Variants in SNRNP48 observed in about 807,000 individuals in gnomAD.
SNRNP48 encodes small nuclear ribonucleoprotein U11/U12 subunit 48.
In SNRNP48, 43 loss-of-function variants were observed where a neutral mutation model predicts 47.0. The observed-to-expected ratio is 0.92, with a 90% CI of 0.72 to 1.18. The LOEUF is 1.18. Among genes scored for constraint, SNRNP48 ranks in the 50% most tolerant of loss-of-function variants. The pLI is 0.00. For missense variants in SNRNP48, 396 were observed against 422.2 expected, an observed-to-expected ratio of 0.94 and a Z score of 0.54; for synonymous variants, 138 against 144.0, an observed-to-expected ratio of 0.96 and a Z score of 0.30.
At chr6:7,602,501 G>T in intron 5 of SNRNP48, 122 bp from the exon 6 acceptor site, 1 of 724,620 alleles carries the variant, frequency 1.4e-6, no homozygotes, top group Non-Finnish European at 2.0e-6. Flanking sequence ...ACAATTTTTA[G>T]AATGTTTTTA....
chr6:7,599,532 A>G, intron 4 of SNRNP48: 1 of 389,248 alleles, frequency 2.6e-6, no homozygotes, highest in African/African-American at 2.1e-5. Context: ...ATTTAAAAAC[A>G]TGCATTTTGA....
intron 4 of SNRNP48, among the ~76,000 whole-genome samples, chr6:7,597,034 C>T (rs1178681446): frequency 6.6e-6 from 1 of 152,072 alleles, no homozygotes; most frequent in Non-Finnish European, 1.5e-5. Flanking sequence ...AAAGGTTCTC[C>T]GTATTTTTAT....
chr6:7,599,257 G>A (rs1366572898), intron 4 of SNRNP48, among the ~76,000 whole-genome samples: 1 of 152,108 alleles, frequency 6.6e-6, no homozygotes, highest in African/African-American at 2.4e-5. Flanking sequence ...GATCCCCTTT[G>A]ATGACAAAAG....
chr6:7,590,214 G>T lies in SNRNP48; in HGVS notation c.-44G>T. ...ACAGCTCCCAGAGGCCTGCGCGTGCGGTCTGCAGTTCGGCCGCTTCCTCTT... is the reference window on the plus strand; with the variant it reads ...ACAGCTCCCAGAGGCCTGCGCGTGCTGTCTGCAGTTCGGCCGCTTCCTCTT... On this transcript the variant is annotated 5_prime_UTR_variant, in exon 1 of 9. Coordinates refer to ENST00000342415, the MANE Select transcript of SNRNP48 (RefSeq NM_152551.4). The T allele has an allele frequency of 1.6e-6, 2 of 1,271,968 alleles. No individual in the cohort carries two copies. The highest frequency in any genetic ancestry group is 1.0e-6 in the Non-Finnish European group (1 of 1,001,480). The allele number at this position is 1,271,968 out of a possible 1,614,324, so 78.8% of individuals were successfully genotyped here. A position where few individuals can be genotyped will look rare whatever the true frequency, so the allele number is the denominator to read the frequency against.
chr6:7,593,861 A>G lies in SNRNP48; in HGVS notation c.270+14A>G. The G allele has an allele frequency of 6.7e-7, 1 of 1,485,812 alleles. No homozygotes were observed. The highest frequency in any genetic ancestry group is 9.2e-7 in the Non-Finnish European group (1 of 1,091,230). 92.0% of individuals were successfully genotyped at this position (1,485,812 alleles called of 1,614,324 possible). A position where few individuals can be genotyped will look rare whatever the true frequency, so the allele number is the denominator to read the frequency against. On this transcript the variant is annotated intron_variant, in intron 2 of 8. Coordinates refer to ENST00000342415, the MANE Select transcript of SNRNP48 (RefSeq NM_152551.4). ...AAAGAAGAAGAGGTACCATATATTT[A>G]CTATATTATATATACATATATGTCA...
chr6:7,601,897 G>A (rs986567125), intron 5 of SNRNP48, among the ~76,000 whole-genome samples: 8 of 151,806 alleles, frequency 5.3e-5, no homozygotes, highest in Middle Eastern at 3.4e-3. Flanking sequence ...TCTGTCACCC[G>A]GGCTGGAATG....
At position 7,609,638 on chromosome 6, in the gene SNRNP48, G is replaced by T. The variant is rs1760195712; in HGVS notation, c.*765G>T. 1 of 152,164 alleles carries T rather than the reference G, an allele frequency of 6.6e-6. No individual in the cohort carries two copies. Among genetic ancestry groups the T allele is most frequent in the Admixed American group, 6.5e-5 (1 of 15,284 alleles). The allele number at this position is 152,164 out of a possible 1,614,324, so 9.4% of individuals were successfully genotyped here. A position where few individuals can be genotyped will look rare whatever the true frequency, so the allele number is the denominator to read the frequency against. On this transcript the variant is annotated 3_prime_UTR_variant, in exon 9 of 9. Coordinates refer to ENST00000342415, the MANE Select transcript of SNRNP48 (RefSeq NM_152551.4). ...ATGAGAGATTAGGGGTGCAAATCAG[G>T]ATTGGGAGGGTGGTCAGAGGGAACT... is the stretch of plus-strand genomic sequence containing the variant.
chr6:7,596,185 G>A (rs2113715788), intron 4 of SNRNP48, among the ~76,000 whole-genome samples: 1 of 152,052 alleles, frequency 6.6e-6, no homozygotes, highest in Non-Finnish European at 1.5e-5. Context: ...AGAATTGCTT[G>A]AACCCAGGAG....
chr6:7,590,220 C>A lies in SNRNP48; in HGVS notation c.-38C>A. On this transcript the variant is annotated 5_prime_UTR_variant, in exon 1 of 9. Coordinates refer to ENST00000342415, the MANE Select transcript of SNRNP48 (RefSeq NM_152551.4). ...CCCAGAGGCCTGCGCGTGCGGTCTG[C>A]AGTTCGGCCGCTTCCTCTTGGCGGG... 2.3e-6 allele frequency: 3 copies of A among 1,278,538 alleles called. No individual in the cohort carries two copies. Among genetic ancestry groups the A allele is most frequent in the Non-Finnish European group, 3.0e-6 (3 of 1,004,834 alleles). The allele number at this position is 1,278,538 out of a possible 1,614,324, so 79.2% of individuals were successfully genotyped here. A position where few individuals can be genotyped will look rare whatever the true frequency, so the allele number is the denominator to read the frequency against.
intron 4 of SNRNP48, chr6:7,600,770 AT>A (rs1180296285): frequency 6.6e-6 from 1 of 152,086 alleles, no homozygotes; most frequent in African/African-American, 2.4e-5. Context: ...GAGGTGTGGG[AT>A]TTCTGCTACT....
Position 7,590,276 on chromosome 6 carries a change from C to G in SNRNP48, c.19C>G (p.Pro7Ala). ...TGCAGCTATGGAGGGCGAGCCTCCA[C>G]CTGTGGAGGAGCGGCGGCGGCTGCA... is the stretch of plus-strand genomic sequence containing the variant. MEGEPP[P>A]VEERRRLQEE... Residue 7 changes from proline to alanine, a missense_variant, in exon 1 of 9, where the codon CCT becomes GCT. Physicochemically the swap from Pro to Ala is conservative, Grantham distance 27 (BLOSUM62 -1). Coordinates refer to ENST00000342415, the MANE Select transcript of SNRNP48 (RefSeq NM_152551.4). The G allele has an allele frequency of 7.3e-7, 1 of 1,364,230 alleles. No individual in the cohort carries two copies. Among genetic ancestry groups the G allele is most frequent in the African/African-American group, 1.5e-5 (1 of 67,364 alleles). 84.5% of individuals were successfully genotyped at this position (1,364,230 alleles called of 1,614,324 possible).
intron 4 of SNRNP48, 100 bp from the exon 5 acceptor site, chr6:7,601,236 A>C (rs752476907): frequency 1.1e-5 from 10 of 916,834 alleles, no homozygotes; most frequent in Non-Finnish European, 1.6e-5. Flanking sequence ...GTTTGTGTTA[A>C]TATTGCATTA....
chr6:7,600,155 T>G (rs1385944782), intron 4 of SNRNP48: 1 of 992,668 alleles, frequency 1.0e-6, no homozygotes, highest in Non-Finnish European at 1.2e-6. Context: ...TCAAAACCCT[T>G]TGACGAGTAA....
Position 7,607,695 on chromosome 6 carries a change from C to T in SNRNP48, c.972-1130C>T, listed in dbSNP as rs974750383. On this transcript the variant is annotated intron_variant, in intron 8 of 8. Coordinates refer to ENST00000342415, the MANE Select transcript of SNRNP48 (RefSeq NM_152551.4). ...TCTTGAGCTTAATAGTTATTATTATCGCTGCTAGACTGTGAGCTCCATGAA... is the reference window on the plus strand; with the variant it reads ...TCTTGAGCTTAATAGTTATTATTATTGCTGCTAGACTGTGAGCTCCATGAA... Among the ~76,000 whole-genome samples the T allele has an allele frequency of 4.6e-5, 7 of 152,182 alleles. No homozygotes were observed. The East Asian group carries it at 1.2e-3, about 25-fold the overall frequency.
intron 8 of SNRNP48, among the ~76,000 whole-genome samples, chr6:7,608,329 G>C (rs1267052093): frequency 6.6e-6 from 1 of 152,286 alleles, no homozygotes; most frequent in African/African-American, 2.4e-5. Context: ...GGCCAAGGCG[G>C]GTGGATCACC....
At chr6:7,591,236 GT>G (rs1156686665) in intron 1 of SNRNP48, among the ~76,000 whole-genome samples, 1 of 152,138 alleles carries the variant, frequency 6.6e-6, no homozygotes, top group Non-Finnish European at 1.5e-5. Flanking sequence ...ATTATTAAAG[GT>G]TGTCACCAAG....
chr6:7,590,243 G>A lies in SNRNP48; in HGVS notation c.-15G>A. 1 of 1,302,368 alleles carries A rather than the reference G, an allele frequency of 7.7e-7. No homozygotes were observed. Among genetic ancestry groups the A allele is most frequent in the Non-Finnish European group, 9.8e-7 (1 of 1,017,562 alleles). The allele number at this position is 1,302,368 out of a possible 1,614,324, so 80.7% of individuals were successfully genotyped here. On this transcript the variant is annotated 5_prime_UTR_variant, in exon 1 of 9. Coordinates refer to ENST00000342415, the MANE Select transcript of SNRNP48 (RefSeq NM_152551.4). ...TGCAGTTCGGCCGCTTCCTCTTGGC[G>A]GGTGGGCTGCAGCTATGGAGGGCGA...
At chr6:7,603,873 G>A (rs17398435) in intron 6 of SNRNP48, among the ~76,000 whole-genome samples, 8,142 of 152,192 alleles carry the variant, frequency 0.053, 302 homozygotes, top group Non-Finnish European at 0.08. Context: ...CATAACCCTT[G>A]TAATCAAGCT....
Position 7,595,008 on chromosome 6 carries a change from ATTTT to A in SNRNP48, c.332-9_332-6del. On this transcript the variant is annotated splice_polypyrimidine_tract_variant and intron_variant, in intron 3 of 8. Transcript: ENST00000342415. The stretch of plus-strand genomic sequence containing the variant: ...CTGATGATTCATATTGTATTTATGG[ATTTT>A]TTTTTTTTTGACAGATAAGGACTCA... 2 of 1,255,918 alleles carry A rather than the reference ATTTT, an allele frequency of 1.6e-6. No homozygotes were observed. 77.8% of individuals were successfully genotyped at this position (1,255,918 alleles called of 1,614,324 possible).
Sources: allele counts gnomAD v4.1 joint callset (sites outside exome capture counted in the v4.1 genomes callset), GRCh38; gene constraint gnomAD v4.1.1; transcripts MANE v1.5; gene names NCBI Gene and HGNC (gene_info 2026-07-23, HGNC 2026-07-21).